The following LCORL variants were observed in gnomAD, a reference collection of about 807,000 sequenced individuals.
LCORL encodes the protein ligand-dependent nuclear receptor corepressor-like protein.
In LCORL, 41 loss-of-function variants were observed where a neutral mutation model predicts 141.8. That is an observed-to-expected ratio of 0.29 (90% CI 0.23 to 0.38). LCORL has a LOEUF of 0.38. LCORL is among the 10% of genes least tolerant of loss of function. The pLI, the probability that LCORL is intolerant of heterozygous loss-of-function variation, is 1.00. For missense variants in LCORL, 1,759 were observed against 2,035.0 expected (o/e 0.86, Z 2.61); for synonymous variants, 618 against 694.1 (o/e 0.89, Z 1.72).
chr4:17,873,773 G>C (rs758661844), exon 7 of LCORL: 18 of 1,233,930 alleles, frequency 1.5e-5, no homozygotes, highest in Non-Finnish European at 1.7e-5. Flanking sequence ...AAGTATTTCT[G>C]TGTTCAAGAC....
At chr4:17,843,249 A>T (rs1722597149) in exon 8 of LCORL, 1 of 1,560,664 alleles carries the variant, frequency 6.4e-7, no homozygotes, top group South Asian at 1.2e-5. Context: ...ATTTATAAAT[A>T]AACTGGTTTT....
At chr4:17,875,458 T>G (rs935172165) in exon 7 of LCORL, 4 of 1,231,338 alleles carry the variant, frequency 3.2e-6, no homozygotes, top group African/African-American at 3.1e-5. Flanking sequence ...TTATATTCAG[T>G]TGGAAAATCA....
Position 17,843,144 on chromosome 4 carries a change from T to A in LCORL, c.*2744A>T, listed in dbSNP as rs149295812. ...TTTGCTAGATAGCCAAGTCAGTGTT[T>A]TTTTGACATTGAGATTTTAGTTTTA... On this transcript the variant is annotated 3_prime_UTR_variant, in exon 8 of 8. Transcript: ENST00000635767. 1,401 of 715,762 alleles carry A rather than the reference T, an allele frequency of 2.0e-3. 23 individuals carry two copies. In the African/African-American group the frequency reaches 0.023, roughly 12 times the overall value. 44.3% of individuals were successfully genotyped at this position (715,762 alleles called of 1,614,324 possible). A position where few individuals can be genotyped will look rare whatever the true frequency, so the allele number is the denominator to read the frequency against.
intron 1 of LCORL, among the ~76,000 whole-genome samples, chr4:17,990,048 C>A (rs546562676): frequency 6.6e-6 from 1 of 151,864 alleles, no homozygotes; most frequent in African/African-American, 2.4e-5. Context: ...GAATTTGAAT[C>A]TCCCACTTCG....
Position 17,884,251 on chromosome 4 carries a change from T to C in LCORL, c.776+1817A>G, listed in dbSNP as rs1482304951. 4 of 1,550,672 alleles carry C rather than the reference T, an allele frequency of 2.6e-6. No homozygotes were observed. In the East Asian group the frequency reaches 7.3e-5, roughly 28 times the overall value. On this transcript the variant is annotated intron_variant, in intron 6 of 7. Coordinates refer to ENST00000635767, the Ensembl canonical transcript of LCORL. This position sits in a 1 kb window ranked among gnomAD's most constrained non-coding sequence, Gnocchi z 4.4. ...CATCCAACAGACCAGAACCATCAGG[T>C]TGTGATTTTGAGACAGAACTTACTC...
chr4:17,849,894 C>T (rs1217473091), intron 7 of LCORL, among the ~76,000 whole-genome samples: 2 of 151,840 alleles, frequency 1.3e-5, no homozygotes, highest in Non-Finnish European at 2.9e-5. Flanking sequence ...TGCAAGGCTA[C>T]AGTAACCAAA....
Position 17,852,531 on chromosome 4 carries a change from AAAAGAG to A in LCORL, c.5603-6636_5603-6631del, listed in dbSNP as rs1327596594. Among the ~76,000 whole-genome samples the A allele has an allele frequency of 2.0e-5, 3 of 152,290 alleles. No individual in the cohort carries two copies. In the East Asian group the frequency reaches 5.8e-4, roughly 29 times the overall value. On this transcript the variant is annotated intron_variant, in intron 7 of 7. Transcript: ENST00000635767. ...CTTAGTTTTGCCGCATGTTTTGGTGAAAAGAGAAAGAAGTGGGAGGAGAAGTGCTTA... is the reference window on the plus strand; with the variant it reads ...CTTAGTTTTGCCGCATGTTTTGGTGAAAAGAAGTGGGAGGAGAAGTGCTTA...
intron 1 of LCORL, among the ~76,000 whole-genome samples, chr4:17,989,301 G>T (rs924402126): frequency 1.3e-5 from 2 of 152,282 alleles, no homozygotes; most frequent in African/African-American, 4.8e-5. Flanking sequence ...TACTATACTT[G>T]TCATAGATTT....
At chr4:18,010,502 T>G (rs1232198632) in intron 1 of LCORL, among the ~76,000 whole-genome samples, 3 of 152,006 alleles carry the variant, frequency 2.0e-5, no homozygotes, top group Non-Finnish European at 4.4e-5. Flanking sequence ...CAGGCTGGAG[T>G]GCAGTGGCAT....
At chr4:17,854,467 T>C (rs1336674287) in intron 7 of LCORL, among the ~76,000 whole-genome samples, 4 of 152,202 alleles carry the variant, frequency 2.6e-5, no homozygotes, top group Admixed American at 6.5e-5. Flanking sequence ...CATTGAACCA[T>C]ATTAGGTTAT....
chr4:17,917,444 T>C (rs1733632284), intron 4 of LCORL, among the ~76,000 whole-genome samples: 1 of 152,182 alleles, frequency 6.6e-6, no homozygotes, highest in Admixed American at 6.5e-5. Flanking sequence ...CTGCCCGCCC[T>C]GGCCTCCCAA....
At chr4:17,985,997 C>T (rs1718899664) in intron 1 of LCORL, among the ~76,000 whole-genome samples, 1 of 152,076 alleles carries the variant, frequency 6.6e-6, no homozygotes, top group South Asian at 2.1e-4. Flanking sequence ...TAAAAAGGAT[C>T]TTATTTCACC....
Position 18,021,760 on chromosome 4 carries a change from C to T in LCORL, c.-9G>A, listed in dbSNP as rs369647216. On this transcript the variant is annotated 5_prime_UTR_variant, in exon 1 of 8. Transcript: ENST00000635767. The surrounding 1 kb of genome is among the most constrained non-coding windows in gnomAD (Gnocchi z 5.5). ...TCTCTTCCCTTGTCCATCTGCGTCC[C>T]GCGTCACGCGCCCTCATTTACATAC... 649 of 1,485,230 alleles carry T rather than the reference C, an allele frequency of 4.4e-4. 4 individuals carry two copies. In the African/African-American group the frequency reaches 7.8e-3, roughly 18 times the overall value. The allele number at this position is 1,485,230 out of a possible 1,614,324, so 92.0% of individuals were successfully genotyped here.
At chr4:17,949,558 G>A (rs1560390427) in intron 4 of LCORL, among the ~76,000 whole-genome samples, 2 of 151,978 alleles carry the variant, frequency 1.3e-5, no homozygotes, top group East Asian at 1.9e-4. Flanking sequence ...ACCCTGATAC[G>A]GGAGCTATCC....
At chr4:17,873,166 T>G (rs1364517258) in intron 7 of LCORL, among the ~76,000 whole-genome samples, 1 of 152,098 alleles carries the variant, frequency 6.6e-6, no homozygotes, top group African/African-American at 2.4e-5. Flanking sequence ...CTATATATAT[T>G]TTTATTTGTG....
intron 1 of LCORL, among the ~76,000 whole-genome samples, chr4:18,014,737 T>C (rs768651038): frequency 2.5e-4 from 38 of 152,356 alleles, no homozygotes; most frequent in Non-Finnish European, 2.8e-4. Flanking sequence ...CAAAGTGGTA[T>C]TCTTCAAATA....
At chr4:17,912,566 G>C in intron 4 of LCORL, 1 of 446,962 alleles carries the variant, frequency 2.2e-6, no homozygotes, top group Non-Finnish European at 4.4e-6. Flanking sequence ...CGGAATTGGA[G>C]CTGCTGAGAT....
chr4:17,957,729 A>G (rs1329540175), intron 4 of LCORL, among the ~76,000 whole-genome samples: 1 of 152,032 alleles, frequency 6.6e-6, no homozygotes, highest in African/African-American at 2.4e-5. Flanking sequence ...AGAAAAGAAG[A>G]AAAATCTTTT....
chr4:17,930,846 C>T (rs1735921575), intron 4 of LCORL, among the ~76,000 whole-genome samples: 3 of 152,146 alleles, frequency 2.0e-5, no homozygotes, highest in Admixed American at 2.0e-4. Flanking sequence ...TAATACCATA[C>T]TCAAAAGTAA....
Sources: allele counts gnomAD v4.1 joint callset (sites outside exome capture counted in the v4.1 genomes callset), GRCh38; gene constraint gnomAD v4.1.1; non-coding constraint Gnocchi (gnomAD v3.1); transcripts MANE v1.5; gene names NCBI Gene and HGNC (gene_info 2026-07-23, HGNC 2026-07-21).